The following HTR3B variants were observed in gnomAD, a reference collection of about 807,000 sequenced individuals.
HTR3B encodes the protein 5-hydroxytryptamine receptor 3B.
HTR3B carries 44 observed loss-of-function variants against 42.8 expected under a neutral mutation model. The ratio of observed to expected loss-of-function variants is 1.03; its 90% CI spans 0.81 to 1.32. The LOEUF is 1.32. Ranked by LOEUF, HTR3B falls within the 40% of genes most tolerant of loss-of-function variation. The probability of loss-of-function intolerance (pLI) is 0.00; values close to 1 mark genes in which losing one functional copy is unlikely to be tolerated. For synonymous variants in HTR3B, 203 were observed against 209.0 expected (o/e 0.97, Z 0.25); for missense variants, 527 against 536.5 (o/e 0.98, Z 0.17).
At chr11:113,900,031 C>T (rs1243901666), upstream of HTR3B, among the ~76,000 whole-genome samples, 2 of 152,094 alleles carry the variant, frequency 1.3e-5, no homozygotes, top group Non-Finnish European at 2.9e-5. Context: ...CTTTGGGAGG[C>T]CGAGGCAGGT....
rs1950020435 is a variant in HTR3B at position 113,930,280 on chromosome 11, GA to G, written c.214-1102del. On this transcript the variant is annotated intron_variant, in intron 2 of 8. Transcript: ENST00000260191. ...AAACCATTGCCTAATTCAAAGTCAT[GA>G]AGATTTACTTACTCCTATGGTTTCT... 2.6e-5 allele frequency among the ~76,000 whole-genome samples: 4 copies of G among 152,116 alleles called. No homozygotes were observed. In the South Asian group the frequency reaches 8.3e-4, roughly 32 times the overall value.
chr11:113,903,124 A>G (rs994879429), upstream of HTR3B, among the ~76,000 whole-genome samples: 2 of 151,194 alleles, frequency 1.3e-5, no homozygotes, highest in African/African-American at 4.9e-5. Context: ...TCTTACTTCA[A>G]CCTCCCAAAG....
intron 6 of HTR3B, among the ~76,000 whole-genome samples, chr11:113,938,165 T>C (rs1950106018): frequency 6.6e-6 from 1 of 152,152 alleles, no homozygotes; most frequent in African/African-American, 2.4e-5. Flanking sequence ...ACATCTTCAA[T>C]GATATCATTT....
intron 7 of HTR3B, among the ~76,000 whole-genome samples, chr11:113,944,166 C>T (rs1469191268): frequency 4.0e-5 from 6 of 151,880 alleles, no homozygotes; most frequent in African/African-American, 1.5e-4. Flanking sequence ...ACTACAGGCG[C>T]CCGCCACCAT....
intron 6 of HTR3B, among the ~76,000 whole-genome samples, chr11:113,935,355 G>T (rs1038902636): frequency 3.4e-5 from 5 of 146,026 alleles, no homozygotes; most frequent in African/African-American, 4.9e-5. Flanking sequence ...ACTTTTCCAT[G>T]GGTCCTTTTG....
At chr11:113,916,881 T>A (rs1007076588) in intron 2 of HTR3B, among the ~76,000 whole-genome samples, 4 of 152,318 alleles carry the variant, frequency 2.6e-5, no homozygotes, top group Admixed American at 2.6e-4. Flanking sequence ...GGTCTGGGAT[T>A]CTGTGACCCT....
At chr11:113,908,423 C>T (rs898535092) in intron 1 of HTR3B, among the ~76,000 whole-genome samples, 9 of 152,210 alleles carry the variant, frequency 5.9e-5, no homozygotes, top group Non-Finnish European at 8.8e-5. Flanking sequence ...ATTTCACTCA[C>T]GCACTTTGTC....
intron 6 of HTR3B, among the ~76,000 whole-genome samples, chr11:113,939,195 G>A (rs1268788236): frequency 6.6e-6 from 1 of 152,142 alleles, no homozygotes; most frequent in African/African-American, 2.4e-5. Flanking sequence ...GATTCTATAA[G>A]CCAAACAAAG....
chr11:113,942,937 G>A lies in HTR3B; in HGVS notation c.697-45G>A, dbSNP rs768745319. On this transcript the variant is annotated intron_variant, in intron 6 of 8. Transcript: ENST00000260191. ...TATGAATTTGGCCAAATCTGAGTCTGTTGGCCTAGATCCTCTTTTCATCAG... is the reference window on the plus strand; with the variant it reads ...TATGAATTTGGCCAAATCTGAGTCTATTGGCCTAGATCCTCTTTTCATCAG... 4.5e-5 allele frequency: 70 copies of A among 1,566,464 alleles called. 1 individual carries two copies. The highest frequency in any genetic ancestry group is 6.1e-5 in the Non-Finnish European group (69 of 1,138,150).
intron 2 of HTR3B, among the ~76,000 whole-genome samples, chr11:113,914,332 T>G (rs1217964982): frequency 6.6e-6 from 1 of 150,988 alleles, no homozygotes. Context: ...GGTGTGGTGG[T>G]ACATGCCTGT....
intron 6 of HTR3B, among the ~76,000 whole-genome samples, chr11:113,942,184 A>C (rs534358986): frequency 1.3e-5 from 2 of 152,310 alleles, no homozygotes; most frequent in East Asian, 3.9e-4. Context: ...AGCCTGGCCA[A>C]CATGGTGAAA....
chr11:113,947,480 A>C lies in HTR3B; in HGVS notation c.*1343A>C, dbSNP rs1466846125. ...TTTAAGAGAGATTTATTTTCTCACC[A>C]GTCTGGAAGCTAGAAGCCTAAGATC... On this transcript the variant is annotated 3_prime_UTR_variant, in exon 9 of 9. Coordinates refer to ENST00000260191, the MANE Select transcript of HTR3B (RefSeq NM_006028.5). 6.6e-6 allele frequency among the ~76,000 whole-genome samples: 1 copy of C among 152,206 alleles called. No homozygotes were observed. The highest frequency in any genetic ancestry group is 1.9e-4 in the East Asian group (1 of 5,192).
At chr11:113,916,916 C>A (rs781753334) in intron 2 of HTR3B, among the ~76,000 whole-genome samples, 15 of 151,920 alleles carry the variant, frequency 9.9e-5, no homozygotes, top group Admixed American at 3.3e-4. Context: ...GCTTAAGAGG[C>A]TTTTTTTGGT....
Position 113,948,750 on chromosome 11 carries a change from C to T in HTR3B, c.*2613C>T, listed in dbSNP as rs949785828. ...TGGTGGCACATGCCTGTAATCCCAC[C>T]TACTCGGGGGGCTGAGGCAGGAGAA... On this transcript the variant is annotated 3_prime_UTR_variant, in exon 9 of 9. Transcript: ENST00000260191. Among the ~76,000 whole-genome samples the T allele has an allele frequency of 2.0e-5, 3 of 152,026 alleles. No individual in the cohort carries two copies. Among genetic ancestry groups the T allele is most frequent in the Non-Finnish European group, 4.4e-5 (3 of 68,010 alleles).
intron 6 of HTR3B, among the ~76,000 whole-genome samples, chr11:113,933,350 C>T (rs1950056965): frequency 6.6e-6 from 1 of 152,114 alleles, no homozygotes; most frequent in South Asian, 2.1e-4. Context: ...GAAGCATGCC[C>T]TGCAGCAGGA....
At position 113,932,931 on chromosome 11, in the gene HTR3B, T is replaced by G. The variant is rs1361106609; in HGVS notation, c.539-5T>G. 4 of 1,613,072 alleles carry G rather than the reference T, an allele frequency of 2.5e-6. No homozygotes were observed. The South Asian group carries it at 4.4e-5, about 18-fold the overall frequency. ...GGGAAAGTCAATTGTTTGTGTTGTT[T>G]GCAGTGGAAGACGTAGACCTGGCCT... On this transcript the variant is annotated splice_polypyrimidine_tract_variant and splice_region_variant and intron_variant, in intron 5 of 8. Coordinates refer to ENST00000260191, the MANE Select transcript of HTR3B (RefSeq NM_006028.5).
intron 1 of HTR3B, 65 bp from the exon 2 acceptor site, chr11:113,909,230 T>G: frequency 7.6e-7 from 1 of 1,319,408 alleles, no homozygotes; most frequent in Non-Finnish European, 1.1e-6. Flanking sequence ...CTGAACAGTC[T>G]GAAACCTCCT....
chr11:113,929,724 CATTTTT>C (rs970079009), intron 2 of HTR3B, among the ~76,000 whole-genome samples: 6 of 152,074 alleles, frequency 3.9e-5, no homozygotes, highest in Non-Finnish European at 5.9e-5. Flanking sequence ...GTCTCTCACC[CATTTTT>C]ATTTTTATTT....
At chr11:113,936,025 C>G (rs948238395) in intron 6 of HTR3B, among the ~76,000 whole-genome samples, 1 of 152,104 alleles carries the variant, frequency 6.6e-6, no homozygotes, top group South Asian at 2.1e-4. Context: ...AGGCTACATT[C>G]CACAGGGGGC....
Sources: allele counts gnomAD v4.1 joint callset (sites outside exome capture counted in the v4.1 genomes callset), GRCh38; gene constraint gnomAD v4.1.1; transcripts MANE v1.5; gene names NCBI Gene and HGNC (gene_info 2026-07-23, HGNC 2026-07-21).